ANKS1A: variants seen among roughly 807,000 people sequenced by gnomAD.
ANKS1A encodes ankyrin repeat and sterile alpha motif domain containing 1A.
In ANKS1A, 55 loss-of-function variants were observed where a neutral mutation model predicts 120.3. That is an observed-to-expected ratio of 0.46 (90% CI 0.37 to 0.57). The LOEUF is 0.57. Ranked by LOEUF, ANKS1A falls within the 20% of genes least tolerant of loss-of-function variation. ANKS1A has a pLI of 0.00. For synonymous variants in ANKS1A, 590 were observed against 604.7 expected (o/e 0.98, Z 0.36); for missense variants, 1,123 against 1,480.3 (o/e 0.76, Z 3.96).
At chr6:34,907,641 G>A (rs974661807) in intron 1 of ANKS1A, among the ~76,000 whole-genome samples, 3 of 152,106 alleles carry the variant, frequency 2.0e-5, no homozygotes, top group African/African-American at 7.2e-5. Flanking sequence ...AAAGGGATAC[G>A]GGGCTCTGTG....
At chr6:34,922,618 G>T (rs1460858526) in intron 1 of ANKS1A, among the ~76,000 whole-genome samples, 1 of 152,002 alleles carries the variant, frequency 6.6e-6, no homozygotes, top group Non-Finnish European at 1.5e-5. Flanking sequence ...GATAGGTTCT[G>T]CTGTGAGGTT....
intron 1 of ANKS1A, among the ~76,000 whole-genome samples, chr6:34,936,518 C>G (rs902289167): frequency 6.6e-6 from 1 of 152,166 alleles, no homozygotes; most frequent in African/African-American, 2.4e-5. Flanking sequence ...GGAAACATGT[C>G]CAGTCTTCTT....
intron 10 of ANKS1A, among the ~76,000 whole-genome samples, chr6:34,997,082 G>C (rs1322685906): frequency 1.3e-5 from 2 of 152,038 alleles, no homozygotes; most frequent in African/African-American, 4.8e-5. Context: ...AGTGTGCACA[G>C]CTTGTTGATT....
intron 7 of ANKS1A, 86 bp from the exon 8 acceptor site, chr6:34,984,996 T>TA: frequency 2.3e-6 from 3 of 1,321,664 alleles, no homozygotes; most frequent in Non-Finnish European, 3.2e-6. Flanking sequence ...CGCGGGTGAC[T>TA]AAAGAGGCTT....
chr6:35,075,899 C>T (rs1320581394), intron 13 of ANKS1A, among the ~76,000 whole-genome samples: 1 of 152,096 alleles, frequency 6.6e-6, no homozygotes, highest in Non-Finnish European at 1.5e-5. Flanking sequence ...TAGCTGAGAC[C>T]ACAGCTGCGC....
chr6:35,029,092 A>G (rs1430445425), intron 11 of ANKS1A, among the ~76,000 whole-genome samples: 1 of 151,960 alleles, frequency 6.6e-6, no homozygotes, highest in Non-Finnish European at 1.5e-5. Flanking sequence ...GTTTCTTATT[A>G]TGAGTGACAT....
At chr6:35,096,875 A>G in the ANKS1A span, among the ~76,000 whole-genome samples, 2 of 150,488 alleles carry the variant, frequency 1.3e-5, no homozygotes, top group African/African-American at 4.9e-5. Flanking sequence ...TTCAGAGCTC[A>G]ATGGTCATTA....
chr6:34,995,412 C>G (rs1038705539), intron 10 of ANKS1A, among the ~76,000 whole-genome samples: 3 of 151,674 alleles, frequency 2.0e-5, no homozygotes, highest in Non-Finnish European at 4.4e-5. Context: ...CCATTCGGAG[C>G]TTTTTAAAAA....
Position 35,089,587 on chromosome 6 carries a change from G to C in ANKS1A, c.*978G>C. On this transcript the variant is annotated 3_prime_UTR_variant, in exon 24 of 24. Coordinates refer to ENST00000360359, the MANE Select transcript of ANKS1A (RefSeq NM_015245.3). ...TGATTCTCTGAATTATCGGTTTGAC[G>C]GTTACACTTGGCTGCTGGGCCCATC... 1.0e-6 allele frequency: 1 copy of C among 986,540 alleles called. No individual in the cohort carries two copies. The highest frequency in any genetic ancestry group is 1.2e-6 in the Non-Finnish European group (1 of 830,466). The allele number at this position is 986,540 out of a possible 1,614,324, so 61.1% of individuals were successfully genotyped here. A position where few individuals can be genotyped will look rare whatever the true frequency, so the allele number is the denominator to read the frequency against.
intron 11 of ANKS1A, chr6:35,038,392 G>T: frequency 4.4e-6 from 2 of 451,448 alleles, no homozygotes; most frequent in Non-Finnish European, 9.0e-6. Flanking sequence ...AAAGGAGAGA[G>T]TTAAGGGCAG....
chr6:34,916,596 A>G (rs1768177957), intron 1 of ANKS1A, among the ~76,000 whole-genome samples: 1 of 152,162 alleles, frequency 6.6e-6, no homozygotes, highest in Admixed American at 6.5e-5. Flanking sequence ...GGTTTGCCAG[A>G]TGTCTTATTT....
At chr6:34,954,432 A>G (rs1407326498) in intron 1 of ANKS1A, among the ~76,000 whole-genome samples, 1 of 152,170 alleles carries the variant, frequency 6.6e-6, no homozygotes, top group Admixed American at 6.5e-5. Context: ...ACAGAATAGC[A>G]AGAAGAGCAA....
chr6:34,915,577 G>A (rs940319361), intron 1 of ANKS1A, among the ~76,000 whole-genome samples: 1 of 151,994 alleles, frequency 6.6e-6, no homozygotes, highest in African/African-American at 2.4e-5. Flanking sequence ...AAACTCCTGG[G>A]CTTAAGCAGT....
At chr6:35,077,402 C>G (rs1777423722) in intron 13 of ANKS1A, among the ~76,000 whole-genome samples, 1 of 152,242 alleles carries the variant, frequency 6.6e-6, no homozygotes, top group East Asian at 1.9e-4. Context: ...GCGGAACAAT[C>G]TCCTGTGTAT....
intron 1 of ANKS1A, among the ~76,000 whole-genome samples, chr6:34,897,985 T>C (rs575391420): frequency 1.1e-4 from 16 of 152,306 alleles, no homozygotes; most frequent in African/African-American, 3.6e-4. Context: ...TTTCTGCGCC[T>C]CTGTGTCTTC....
intron 10 of ANKS1A, among the ~76,000 whole-genome samples, chr6:35,001,585 C>T (rs1773169089): frequency 6.6e-6 from 1 of 152,272 alleles, no homozygotes; most frequent in Admixed American, 6.5e-5. Context: ...TCTCCCAACA[C>T]TAGGTTCACT....
chr6:34,895,859 G>A (rs372473666), intron 1 of ANKS1A, among the ~76,000 whole-genome samples: 6 of 125,322 alleles, frequency 4.8e-5, no homozygotes, highest in African/African-American at 9.7e-5. Context: ...GCACGATCTC[G>A]ACTCATTGCA....
chr6:34,986,289 G>T (rs940384091), intron 8 of ANKS1A, among the ~76,000 whole-genome samples: 1 of 152,158 alleles, frequency 6.6e-6, no homozygotes, highest in Admixed American at 6.5e-5. Flanking sequence ...TTTACTTCTA[G>T]CCTTGTACAT....
At chr6:34,967,354 C>T (rs757452730) in intron 2 of ANKS1A, 35 bp downstream of exon 2, 1 of 1,600,240 alleles carries the variant, frequency 6.2e-7, no homozygotes, top group South Asian at 1.1e-5. Flanking sequence ...TGCCTTCACC[C>T]TTCAGAACCC....
Sources: allele counts gnomAD v4.1 joint callset (sites outside exome capture counted in the v4.1 genomes callset), GRCh38; gene constraint gnomAD v4.1.1; transcripts MANE v1.5; gene names NCBI Gene and HGNC (gene_info 2026-07-23, HGNC 2026-07-21).